ALDH8A1: variants seen among roughly 807,000 people sequenced by gnomAD.
ALDH8A1 encodes the protein 2-aminomuconic semialdehyde dehydrogenase.
In ALDH8A1, 39 loss-of-function variants were observed where a neutral mutation model predicts 43.3. That is an observed-to-expected ratio of 0.90 (90% confidence interval 0.70 to 1.18). ALDH8A1 has a LOEUF of 1.18. Ranked by LOEUF, ALDH8A1 falls within the 50% of genes most tolerant of loss-of-function variation. The pLI, the probability that ALDH8A1 is intolerant of heterozygous loss-of-function variation, is 0.00. For missense variants in ALDH8A1, 605 were observed against 622.6 expected (o/e 0.97, Z 0.30); for synonymous variants, 233 against 243.5 (o/e 0.96, Z 0.40).
intron 3 of ALDH8A1, among the ~76,000 whole-genome samples, chr6:134,939,775 C>G (rs1041807188): frequency 6.6e-6 from 1 of 152,142 alleles, no homozygotes. Context: ...ATGTTCATTG[C>G]AGCACTTTGC....
intron 6 of ALDH8A1, among the ~76,000 whole-genome samples, chr6:134,926,871 C>T (rs1776892415): frequency 6.6e-6 from 1 of 151,812 alleles, no homozygotes; most frequent in East Asian, 1.9e-4. Context: ...CTCTTCTTGA[C>T]CTCTTCTTGG....
Position 134,944,212 on chromosome 6 carries a change from C to T in ALDH8A1, c.139-246G>A, listed in dbSNP as rs899227921. 5 of 403,900 alleles carry T rather than the reference C, an allele frequency of 1.2e-5. No homozygotes were observed. In the Admixed American group the frequency reaches 2.1e-4, roughly 17 times the overall value. 25.0% of individuals were successfully genotyped at this position (403,900 alleles called of 1,614,324 possible). A position where few individuals can be genotyped will look rare whatever the true frequency, so the allele number is the denominator to read the frequency against. ...CCTCCTGAGCAGCTGGGATTACAGGCATGTGCCACCATGCCCAGCTAATTT... is the reference window on the plus strand; with the variant it reads ...CCTCCTGAGCAGCTGGGATTACAGGTATGTGCCACCATGCCCAGCTAATTT... On this transcript the variant is annotated intron_variant, in intron 1 of 6. Coordinates refer to ENST00000265605, the MANE Select transcript of ALDH8A1 (RefSeq NM_022568.4).
chr6:134,920,293 C>T lies in ALDH8A1; in HGVS notation c.1012-1426G>A, dbSNP rs540625339. Reference sequence around the variant, plus strand: ...ACATCCATAGTGATCTCAAAGCTTTCCCAGAACATAACGCTATTCTAGTTT... The same window carrying T: ...ACATCCATAGTGATCTCAAAGCTTTTCCAGAACATAACGCTATTCTAGTTT... On this transcript the variant is annotated intron_variant, in intron 6 of 6. Transcript: ENST00000265605. 1.1e-3 allele frequency among the ~76,000 whole-genome samples: 165 copies of T among 152,278 alleles called. 1 individual carries two copies. The highest frequency in any genetic ancestry group is 3.6e-3 in the African/African-American group (150 of 41,560).
chr6:134,945,899 T>C (rs1345923448), intron 1 of ALDH8A1, among the ~76,000 whole-genome samples: 1 of 152,080 alleles, frequency 6.6e-6, no homozygotes, highest in East Asian at 1.9e-4. Flanking sequence ...GGAAAGTGAT[T>C]GGTTTGTGGG....
chr6:134,949,527 C>CT (rs546270333), intron 1 of ALDH8A1, among the ~76,000 whole-genome samples: 12 of 151,294 alleles, frequency 7.9e-5, no homozygotes, highest in Admixed American at 5.3e-4. Flanking sequence ...TAAAGCTATA[C>CT]TTTTTTTTTA....
At chr6:134,925,128 T>G (rs1179746968) in intron 6 of ALDH8A1, among the ~76,000 whole-genome samples, 1 of 152,180 alleles carries the variant, frequency 6.6e-6, no homozygotes, top group Non-Finnish European at 1.5e-5. Context: ...ATTTAAAAAG[T>G]TAGATTTGTA....
intron 5 of ALDH8A1, among the ~76,000 whole-genome samples, chr6:134,930,854 T>C (rs557029660): frequency 1.3e-5 from 2 of 152,320 alleles, no homozygotes; most frequent in East Asian, 1.9e-4. Flanking sequence ...GTATCATTCG[T>C]TGAGTGCCTA....
intron 6 of ALDH8A1, among the ~76,000 whole-genome samples, chr6:134,922,992 A>C (rs1776829625): frequency 6.6e-6 from 1 of 152,160 alleles, no homozygotes; most frequent in African/African-American, 2.4e-5. Context: ...CTTATCTTTG[A>C]AACATTCTAT....
chr6:134,925,426 C>T (rs796282672), intron 6 of ALDH8A1, among the ~76,000 whole-genome samples: 25 of 152,208 alleles, frequency 1.6e-4, no homozygotes, highest in African/African-American at 4.8e-4. Context: ...TTTTTCCTTT[C>T]GGAGTCTTGA....
chr6:134,944,120 G>C, intron 1 of ALDH8A1, 154 bp from the exon 2 acceptor site: 1 of 1,075,290 alleles, frequency 9.3e-7, no homozygotes, highest in Non-Finnish European at 1.3e-6. Flanking sequence ...CAGCCTGGAG[G>C]GCAGTGGCGC....
chr6:134,919,877 T>A (rs1776767564), intron 6 of ALDH8A1, among the ~76,000 whole-genome samples: 1 of 152,212 alleles, frequency 6.6e-6, no homozygotes, highest in Non-Finnish European at 1.5e-5. Context: ...TTATTAAATT[T>A]GCTCCAAGTT....
intron 5 of ALDH8A1, among the ~76,000 whole-genome samples, chr6:134,929,541 GA>G (rs1426283693): frequency 6.6e-6 from 1 of 152,210 alleles, no homozygotes; most frequent in Non-Finnish European, 1.5e-5. Context: ...CACTTGCAAA[GA>G]GGGGATATTT....
intron 1 of ALDH8A1, 137 bp from the exon 2 acceptor site, chr6:134,944,103 T>C: frequency 1.6e-6 from 2 of 1,233,426 alleles, no homozygotes; most frequent in Non-Finnish European, 2.2e-6. Context: ...ATTCTCACTC[T>C]GTAGCCCAGC....
At chr6:134,945,327 T>C (rs937415710) in intron 1 of ALDH8A1, among the ~76,000 whole-genome samples, 78 of 152,268 alleles carry the variant, frequency 5.1e-4, no homozygotes, top group African/African-American at 1.7e-3. Context: ...GGACCACAGG[T>C]TGCTCTGCCT....
In ALDH8A1 at chr6:134,932,856, TG is replaced by T. The variant is rs758629618; in HGVS notation, c.768del (p.Lys257ArgfsTer48). On this transcript the variant is annotated frameshift_variant, in exon 5 of 7. Coordinates refer to ENST00000265605, the MANE Select transcript of ALDH8A1 (RefSeq NM_022568.4). LOFTEE classifies it high-confidence loss of function. ...HCKKLSLELGGKNPAIIFEDA... is the reference protein window; with the variant it reads ...HCKKLSLELGXKNPAIIFEDA... Reference sequence around the variant, plus strand: ...TCCTCAAAGATGATGGCAGGATTCTTGCCCCCCAGCTCCAGGGAGAGCTTTT... The same window carrying T: ...TCCTCAAAGATGATGGCAGGATTCTTCCCCCCAGCTCCAGGGAGAGCTTTT... 6.2e-7 allele frequency: 1 copy of T among 1,614,216 alleles called. No homozygotes were observed. The highest frequency in any genetic ancestry group is 8.5e-7 in the Non-Finnish European group (1 of 1,180,036).
intron 4 of ALDH8A1, among the ~76,000 whole-genome samples, chr6:134,933,643 A>G (rs1355430336): frequency 1.3e-5 from 2 of 152,238 alleles, no homozygotes; most frequent in Non-Finnish European, 2.9e-5. Flanking sequence ...AATCTTTTCT[A>G]TCACAAGACT....
intron 3 of ALDH8A1, among the ~76,000 whole-genome samples, chr6:134,941,594 TG>T (rs1394651801): frequency 1.3e-5 from 2 of 152,184 alleles, no homozygotes; most frequent in Non-Finnish European, 2.9e-5. Context: ...TTCGCCATGT[TG>T]GCCAGGCTGG....
rs1400884357 is a variant in ALDH8A1 at position 134,918,864 on chromosome 6, T to A, written c.1015A>T (p.Arg339Ter). 6.2e-7 allele frequency: 1 copy of A among 1,612,074 alleles called. No individual in the cohort carries two copies. The highest frequency in any genetic ancestry group is 2.2e-5 in the East Asian group (1 of 44,834). Residue 339 changes from arginine to a stop codon, truncating the protein, a stop_gained, in exon 7 of 7, where the codon AGA becomes TGA. Transcript: ENST00000265605. LOFTEE classifies it high-confidence loss of function. ...GCAAGAGCTCTCTTGACGTAACTTCTGACCTGCGTGGGTAAAAATCATAAT... is the reference window on the plus strand; with the variant it reads ...GCAAGAGCTCTCTTGACGTAACTTCAGACCTGCGTGGGTAAAAATCATAAT... ...LISKAHLEKVRSYVKRALAEG... is the reference protein window; with the variant it reads ...LISKAHLEKV
At chr6:134,933,920 G>A (rs1167084506) in intron 4 of ALDH8A1, among the ~76,000 whole-genome samples, 7 of 152,088 alleles carry the variant, frequency 4.6e-5, no homozygotes, top group African/African-American at 1.7e-4. Flanking sequence ...TGTTGGCCAG[G>A]CTGGTCTCGA....
Sources: gnomAD v4.1 joint callset for allele counts (sites outside exome capture counted in the v4.1 genomes callset) on GRCh38, gnomAD v4.1.1 for gene constraint, MANE v1.5 for transcripts, NCBI Gene and HGNC (gene_info 2026-07-23, HGNC 2026-07-21) for gene names.